The following ROCK1 variants were observed in gnomAD, a reference collection of about 807,000 sequenced individuals.
ROCK1 encodes the protein Rho associated coiled-coil containing protein kinase 1.
ROCK1 carries 36 observed loss-of-function variants against 196.8 expected under a neutral mutation model. The ratio of observed to expected loss-of-function variants is 0.18; its 90% CI spans 0.14 to 0.24. ROCK1 has a LOEUF of 0.24. Among genes scored for constraint, ROCK1 ranks in the 10% least tolerant of loss-of-function variants. The probability of loss-of-function intolerance (pLI) is 1.00; values close to 1 mark genes in which losing one functional copy is unlikely to be tolerated. For missense variants in ROCK1, 920 were observed against 1,562.0 expected, an observed-to-expected ratio of 0.59 and a Z score of 6.93; for synonymous variants, 443 against 515.9, an observed-to-expected ratio of 0.86 and a Z score of 1.91.
rs139290180 is a variant in ROCK1, at chr18:21,110,959, G to A, written c.-49C>T. On this transcript the variant is annotated 5_prime_UTR_variant, in exon 1 of 33. Transcript: ENST00000399799. ...CTCTTACCAGCACCAGCAGCGGAAA[G>A]CAATTTCAACCAACTTCCTCCGCGG... The A allele has an allele frequency of 6.6e-7, 1 of 1,515,688 alleles. No individual in the cohort carries two copies. Among genetic ancestry groups the A allele is most frequent in the South Asian group, 1.1e-5 (1 of 88,720 alleles). The allele number at this position is 1,515,688 out of a possible 1,614,324, so 93.9% of individuals were successfully genotyped here.
intron 22 of ROCK1, among the ~76,000 whole-genome samples, chr18:20,972,847 TA>T (rs1313010268): frequency 6.6e-6 from 1 of 152,088 alleles, no homozygotes; most frequent in East Asian, 1.9e-4. Flanking sequence ...AAGTTGGCTA[TA>T]AAAAAAAGAA....
chr18:21,067,035 A>G (rs986319383), intron 2 of ROCK1, among the ~76,000 whole-genome samples: 3 of 152,234 alleles, frequency 2.0e-5, no homozygotes, highest in Non-Finnish European at 2.9e-5. Context: ...ACCATTTACC[A>G]GTCAGCAATG....
intron 1 of ROCK1, among the ~76,000 whole-genome samples, chr18:21,075,869 C>T (rs2036425111): frequency 6.6e-6 from 1 of 151,132 alleles, no homozygotes; most frequent in Admixed American, 6.6e-5. Context: ...AGGAGAATCG[C>T]TTGAACCCGG....
intron 27 of ROCK1, among the ~76,000 whole-genome samples, chr18:20,962,036 C>A (rs1338825722): frequency 6.6e-6 from 1 of 151,946 alleles, no homozygotes; most frequent in Non-Finnish European, 1.5e-5. Flanking sequence ...TTTTATATAT[C>A]CCATGGCAAA....
chr18:21,080,218 C>T (rs2036471637), intron 1 of ROCK1, among the ~76,000 whole-genome samples: 1 of 151,946 alleles, frequency 6.6e-6, no homozygotes. Context: ...GTTAAACGGC[C>T]AATTTTCCAT....
At chr18:21,001,976 A>G (rs1328416200) in intron 16 of ROCK1, among the ~76,000 whole-genome samples, 1 of 152,214 alleles carries the variant, frequency 6.6e-6, no homozygotes, top group African/African-American at 2.4e-5. Flanking sequence ...TCAAATGCCC[A>G]TGTAACAGTG....
At chr18:21,069,191 A>C (rs1158542849) in intron 2 of ROCK1, among the ~76,000 whole-genome samples, 1 of 152,122 alleles carries the variant, frequency 6.6e-6, no homozygotes, top group Non-Finnish European at 1.5e-5. Context: ...AATTTTATCA[A>C]ATGCTTTTTC....
chr18:21,032,481 T>C (rs1158234248), intron 9 of ROCK1, among the ~76,000 whole-genome samples: 1 of 148,940 alleles, frequency 6.7e-6, no homozygotes, highest in Non-Finnish European at 1.5e-5. Context: ...AAAGGAAATA[T>C]ATGACATAGA....
chr18:21,023,763 C>G (rs1276099751), intron 10 of ROCK1, 83 bp from the exon 11 acceptor site: 1 of 636,826 alleles, frequency 1.6e-6, no homozygotes, highest in African/African-American at 1.9e-5. Flanking sequence ...ATACTACACG[C>G]CTATTTTATG....
intron 31 of ROCK1, among the ~76,000 whole-genome samples, chr18:20,954,040 C>T (rs2035217046): frequency 6.6e-6 from 1 of 150,952 alleles, no homozygotes; most frequent in Non-Finnish European, 1.5e-5. Flanking sequence ...ACATAAGCTT[C>T]TTATCTGAAA....
rs901931601 is a variant in ROCK1 at position 20,971,775 on chromosome 18, G to A, written c.2655-1262C>T. ...TCAGGGAGCATGCATTAGTGGGGCCGTACAGGCAATTTAAAAAATGAACAA... is the reference window on the plus strand; with the variant it reads ...TCAGGGAGCATGCATTAGTGGGGCCATACAGGCAATTTAAAAAATGAACAA... On this transcript the variant is annotated intron_variant, in intron 22 of 32. Coordinates refer to ENST00000399799, the MANE Select transcript of ROCK1 (RefSeq NM_005406.3). 5.9e-5 allele frequency among the ~76,000 whole-genome samples: 9 copies of A among 151,484 alleles called. No individual in the cohort carries two copies. The Middle Eastern group carries it at 0.01, about 172-fold the overall frequency.
chr18:20,970,516 G>A lies in ROCK1; in HGVS notation c.2655-3C>T, dbSNP rs73959760. 2.0e-3 allele frequency: 3,121 copies of A among 1,583,744 alleles called. 56 individuals carry two copies. In the African/African-American group the frequency reaches 0.036, roughly 18 times the overall value. ...CCAACTGAGTAGCAAGAGTTTCTCT[G>A]CAACAATTTTTTAAGAGAAACTGAT... On this transcript the variant is annotated splice_region_variant and splice_polypyrimidine_tract_variant and intron_variant, in intron 22 of 32. Transcript: ENST00000399799.
intron 1 of ROCK1, among the ~76,000 whole-genome samples, chr18:21,099,851 C>A (rs185431095): frequency 6.6e-6 from 1 of 152,208 alleles, no homozygotes; most frequent in Non-Finnish European, 1.5e-5. Flanking sequence ...GCCTGGCCAA[C>A]ATGGCAAAAC....
At chr18:21,021,614 C>G (rs1422565585) in intron 11 of ROCK1, among the ~76,000 whole-genome samples, 1 of 152,134 alleles carries the variant, frequency 6.6e-6, no homozygotes, top group Non-Finnish European at 1.5e-5. Context: ...TCAATAGCAT[C>G]TCTGCTAGGT....
rs1209912222 is a variant in ROCK1, at chr18:20,968,952, T to C, written c.2915-92A>G. ...ATGTCTTTAATTATTCAAATAAGTA[T>C]ACATTACATAGTAACTTTCAGTAAC... On this transcript the variant is annotated intron_variant, in intron 24 of 32. Transcript: ENST00000399799. 7.3e-6 allele frequency: 7 copies of C among 959,826 alleles called. No homozygotes were observed. The East Asian group carries it at 1.3e-4, about 17-fold the overall frequency. 59.5% of individuals were successfully genotyped at this position (959,826 alleles called of 1,614,324 possible).
intron 1 of ROCK1, among the ~76,000 whole-genome samples, chr18:21,081,287 G>T (rs1412027187): frequency 6.6e-6 from 1 of 151,894 alleles, no homozygotes; most frequent in African/African-American, 2.4e-5. Flanking sequence ...AAAATCATTG[G>T]GAAATTAGAA....
intron 13 of ROCK1, among the ~76,000 whole-genome samples, chr18:21,011,179 A>G (rs939207502): frequency 2.6e-5 from 4 of 152,100 alleles, no homozygotes; most frequent in Non-Finnish European, 5.9e-5. Context: ...TATTGGTAGT[A>G]TGTTAGGGTT....
intron 10 of ROCK1, among the ~76,000 whole-genome samples, chr18:21,026,114 C>T (rs2035953512): frequency 6.6e-6 from 1 of 151,960 alleles, no homozygotes; most frequent in South Asian, 2.1e-4. Flanking sequence ...GTTTCAGAAA[C>T]CAAGTCAAAG....
intron 1 of ROCK1, among the ~76,000 whole-genome samples, chr18:21,078,934 G>C (rs554178235): frequency 1.3e-5 from 2 of 152,108 alleles, no homozygotes; most frequent in Admixed American, 6.5e-5. Context: ...TTCTAATATT[G>C]GGAGCTGCCT....
Sources: allele counts gnomAD v4.1 joint callset (sites outside exome capture counted in the v4.1 genomes callset), GRCh38; gene constraint gnomAD v4.1.1; transcripts MANE v1.5; gene names NCBI Gene and HGNC (gene_info 2026-07-23, HGNC 2026-07-21).